BICRA: variants seen among roughly 807,000 people sequenced by gnomAD.
BICRA encodes BRD4-interacting chromatin-remodeling complex-associated protein.
Under a neutral mutation model 96.9 loss-of-function variants are expected in BICRA, and 31 were observed. The observed-to-expected ratio is 0.32, with a 90% CI of 0.24 to 0.43. The LOEUF (loss-of-function observed/expected upper bound fraction) is 0.43. Ranked by LOEUF, BICRA falls within the 20% of genes least tolerant of loss-of-function variation. The pLI is 1.00. For missense variants in BICRA, 2,283 were observed against 2,190.3 expected (o/e 1.04, Z -0.84); for synonymous variants, 1,350 against 1,071.8 (o/e 1.26, Z -5.07).
At chr19:47,629,251 C>T (rs1218235925) in intron 1 of BICRA, among the ~76,000 whole-genome samples, 1 of 152,126 alleles carries the variant, frequency 6.6e-6, no homozygotes, top group Non-Finnish European at 1.5e-5. Flanking sequence ...GATCCACCCG[C>T]CTCGGCCTCC....
At chr19:47,669,094 A>G (rs1358621723) in intron 1 of BICRA, among the ~76,000 whole-genome samples, 1 of 151,844 alleles carries the variant, frequency 6.6e-6, no homozygotes, top group East Asian at 1.9e-4. Flanking sequence ...ATAGAGCAAG[A>G]CTCACACACA....
intron 1 of BICRA, among the ~76,000 whole-genome samples, chr19:47,646,360 G>A (rs2161622): frequency 0.13 from 19,720 of 152,104 alleles, 1,394 homozygotes; most frequent in East Asian, 0.18. Context: ...TCCAGAAATC[G>A]CCAGCCCCTC....
In BICRA at chr19:47,702,173, G is replaced by A. The variant is rs1380254554; in HGVS notation, c.4441G>A (p.Asp1481Asn). 4 of 1,580,028 alleles carry A rather than the reference G, an allele frequency of 2.5e-6. No homozygotes were observed. The South Asian group carries it at 3.4e-5, about 14-fold the overall frequency. Residue 1481 changes from aspartate to asparagine, a missense_variant, in exon 15 of 15, where the codon GAC (aspartate) becomes AAC (asparagine). Asp to Asn is a conservative substitution (Grantham distance 23). Transcript: ENST00000594866. Reference protein sequence around the residue: ...PAKRRKSESPDVDQASFSSDS... With the variant: ...PAKRRKSESPNVDQASFSSDS... ...CAAGCGGCGCAAGTCCGAGTCGCCC[G>A]ACGTGGACCAGGCCAGCTTCTCCAG...
At position 47,623,221 on chromosome 19, in the gene BICRA, C is replaced by T. The variant is rs1972091350; in HGVS notation, c.-108+14053C>T. Reference sequence around the variant, plus strand: ...GCTGGAGTGAATTGCTTGCTTTGTGCGATGGATTTTTGCTTTACAGAAAGG... The same window carrying T: ...GCTGGAGTGAATTGCTTGCTTTGTGTGATGGATTTTTGCTTTACAGAAAGG... On this transcript the variant is annotated intron_variant, in intron 1 of 14. Coordinates refer to ENST00000594866, the MANE Select transcript of BICRA (RefSeq NM_001394372.1). 2.6e-5 allele frequency among the ~76,000 whole-genome samples: 4 copies of T among 152,076 alleles called. No homozygotes were observed. In the South Asian group the frequency reaches 6.2e-4, roughly 24 times the overall value.
Position 47,682,129 on chromosome 19 carries a change from G to A in BICRA, c.2260G>A (p.Ala754Thr). The A allele has an allele frequency of 3.3e-6, 5 of 1,498,162 alleles. No homozygotes were observed. The highest frequency in any genetic ancestry group is 4.5e-6 in the Non-Finnish European group (5 of 1,106,076). 92.8% of individuals were successfully genotyped at this position (1,498,162 alleles called of 1,614,324 possible). Reference sequence around the variant, plus strand: ...CGGCCCTCAGGCCCCCGACAGCCAGGCTTCCCCGGCTCCGGCCCCCCAGGT... The same window carrying A: ...CGGCCCTCAGGCCCCCGACAGCCAGACTTCCCCGGCTCCGGCCCCCCAGGT... Reference protein sequence around the residue: ...GLGPQAPDSQASPAPAPQIPA... With the variant: ...GLGPQAPDSQTSPAPAPQIPA... Residue 754 changes from alanine to threonine, a missense_variant, in exon 7 of 15, where the codon GCT becomes ACT. By Grantham distance (58) the Ala-to-Thr change is moderately conservative. Transcript: ENST00000594866.
chr19:47,696,585 C>G, intron 11 of BICRA, 73 bp downstream of exon 11: 1 of 1,439,636 alleles, frequency 6.9e-7, no homozygotes, highest in Non-Finnish European at 9.5e-7. Flanking sequence ...GGGCCACCCT[C>G]CAGAAGCAGA....
intron 1 of BICRA, among the ~76,000 whole-genome samples, chr19:47,623,068 C>T (rs1324828319): frequency 1.3e-5 from 2 of 151,580 alleles, no homozygotes; most frequent in Non-Finnish European, 2.9e-5. Flanking sequence ...TGTGTACTCT[C>T]ATATATTAGA....
chr19:47,624,336 C>T (rs1229615713), intron 1 of BICRA, among the ~76,000 whole-genome samples: 1 of 152,132 alleles, frequency 6.6e-6, no homozygotes, highest in Non-Finnish European at 1.5e-5. Flanking sequence ...CAAGCATACC[C>T]CAGAGAGCAG....
rs1199632349 is a variant in BICRA at position 47,698,172 on chromosome 19, C to T, written c.3249-462C>T. Among the ~76,000 whole-genome samples the T allele has an allele frequency of 6.6e-6, 1 of 152,152 alleles. No homozygotes were observed. The highest frequency in any genetic ancestry group is 1.9e-4 in the East Asian group (1 of 5,190). On this transcript the variant is annotated intron_variant, in intron 11 of 14. Transcript: ENST00000594866. This position sits in a 1 kb window ranked among gnomAD's most constrained non-coding sequence, Gnocchi z 4.8. Reference sequence around the variant, plus strand: ...GTGGGGGAGACAGTCACACTGCCAACAGACAAAACCCATTGTAACATGGGC... The same window carrying T: ...GTGGGGGAGACAGTCACACTGCCAATAGACAAAACCCATTGTAACATGGGC...
rs967236862 is a variant in BICRA, at chr19:47,682,224, CT to C, written c.2283+73del. On this transcript the variant is annotated intron_variant, in intron 7 of 14. Coordinates refer to ENST00000594866, the MANE Select transcript of BICRA (RefSeq NM_001394372.1). ...GCCCCTCCTGCCCGCTCTCCCGCTC[CT>C]CGCTCTCCGCCCTGCCTGCGTCTCT... The C allele has an allele frequency of 2.1e-5, 14 of 659,052 alleles. No homozygotes were observed. The Admixed American group carries it at 3.5e-4, about 16-fold the overall frequency. The allele number at this position is 659,052 out of a possible 1,614,324, so 40.8% of individuals were successfully genotyped here. A position where few individuals can be genotyped will look rare whatever the true frequency, so the allele number is the denominator to read the frequency against.
rs1568580493 is a variant in BICRA, at chr19:47,699,853, A to C, written c.3595+448A>C. 6.0e-6 allele frequency: 1 copy of C among 165,316 alleles called. No homozygotes were observed. The allele number at this position is 165,316 out of a possible 1,614,324, so 10.2% of individuals were successfully genotyped here. A position where few individuals can be genotyped will look rare whatever the true frequency, so the allele number is the denominator to read the frequency against. ...TGTCTGCAGGAAACGGTACAGGCAG[A>C]TCCCAGCTGCCAGAGTTTCCAGAAT... On this transcript the variant is annotated intron_variant, in intron 14 of 14. Coordinates refer to ENST00000594866, the MANE Select transcript of BICRA (RefSeq NM_001394372.1). The surrounding 1 kb of genome is among the most constrained non-coding windows in gnomAD (Gnocchi z 5.0).
rs1321302554 is a variant in BICRA, at chr19:47,698,340, C to G, written c.3249-294C>G. Among the ~76,000 whole-genome samples, 1 of 152,176 alleles carries G rather than the reference C, an allele frequency of 6.6e-6. No homozygotes were observed. Among genetic ancestry groups the G allele is most frequent in the Non-Finnish European group, 1.5e-5 (1 of 68,016 alleles). On this transcript the variant is annotated intron_variant, in intron 11 of 14. Coordinates refer to ENST00000594866, the MANE Select transcript of BICRA (RefSeq NM_001394372.1). This position sits in a 1 kb window ranked among gnomAD's most constrained non-coding sequence, Gnocchi z 4.8. ...CAGCTTCCAGGCTCTGGCCTCACTT[C>G]CCGCTCTGCTCTTCCTCCCTTACGT...
chr19:47,699,074 G>C lies in BICRA; in HGVS notation c.3492+15G>C, dbSNP rs1326287506. 1.4e-6 allele frequency: 2 copies of C among 1,481,190 alleles called. No individual in the cohort carries two copies. The highest frequency in any genetic ancestry group is 3.9e-5 in the Admixed American group (2 of 51,542). The allele number at this position is 1,481,190 out of a possible 1,614,324, so 91.8% of individuals were successfully genotyped here. A position where few individuals can be genotyped will look rare whatever the true frequency, so the allele number is the denominator to read the frequency against. On this transcript the variant is annotated intron_variant, in intron 13 of 14. Transcript: ENST00000594866. The surrounding 1 kb of genome is among the most constrained non-coding windows in gnomAD (Gnocchi z 5.0). The stretch of plus-strand genomic sequence containing the variant: ...AGGAGTCCCGGGTAGGGTCAGAGTC[G>C]CCTTCCTCGCCTCTGGGCTCCTCCT...
chr19:47,622,383 C>T (rs1972077376), intron 1 of BICRA, among the ~76,000 whole-genome samples: 1 of 151,368 alleles, frequency 6.6e-6, no homozygotes, highest in South Asian at 2.1e-4. Flanking sequence ...AGGCATGAGC[C>T]ACCACGCCTG....
At chr19:47,652,229 A>C (rs1476985029) in intron 1 of BICRA, among the ~76,000 whole-genome samples, 1 of 152,156 alleles carries the variant, frequency 6.6e-6, no homozygotes, top group African/African-American at 2.4e-5. Context: ...AAGGTCACCC[A>C]GGCTGGAGTG....
At chr19:47,636,939 C>T (rs1289688885) in intron 1 of BICRA, among the ~76,000 whole-genome samples, 1 of 152,074 alleles carries the variant, frequency 6.6e-6, no homozygotes, top group Non-Finnish European at 1.5e-5. Context: ...GAGTCTTACC[C>T]CAGGGCCTTT....
intron 1 of BICRA, among the ~76,000 whole-genome samples, chr19:47,649,868 G>A (rs112585926): frequency 5.1e-4 from 77 of 152,234 alleles, no homozygotes; most frequent in African/African-American, 1.8e-3. Flanking sequence ...AGACTTTGGG[G>A]TAGGGACAGA....
chr19:47,666,082 A>G (rs1972774211), intron 1 of BICRA, among the ~76,000 whole-genome samples: 1 of 152,218 alleles, frequency 6.6e-6, no homozygotes, highest in African/African-American at 2.4e-5. Context: ...GTTCCTATGT[A>G]ACAGTCCCAT....
chr19:47,699,251 C>A lies in BICRA; in HGVS notation c.3493-52C>A. 9.2e-7 allele frequency: 1 copy of A among 1,087,046 alleles called. No individual in the cohort carries two copies. The highest frequency in any genetic ancestry group is 1.3e-5 in the South Asian group (1 of 74,702). 67.3% of individuals were successfully genotyped at this position (1,087,046 alleles called of 1,614,324 possible). A position where few individuals can be genotyped will look rare whatever the true frequency, so the allele number is the denominator to read the frequency against. ...ACGCATCGTCCCCGTCGCTCGCGCC[C>A]CTTCCCCCTTCTTGCTGGTTCACTC... On this transcript the variant is annotated intron_variant, in intron 13 of 14. Transcript: ENST00000594866. This position sits in a 1 kb window ranked among gnomAD's most constrained non-coding sequence, Gnocchi z 5.0.
Sources: allele counts gnomAD v4.1 joint callset (sites outside exome capture counted in the v4.1 genomes callset), GRCh38; gene constraint gnomAD v4.1.1; non-coding constraint Gnocchi (gnomAD v3.1); transcripts MANE v1.5; gene names NCBI Gene and HGNC (gene_info 2026-07-23, HGNC 2026-07-21).